The following MIR2052HG variants were observed in gnomAD, a reference collection of about 807,000 sequenced individuals.
The protein encoded by MIR2052HG is MIR2052 host gene.
chr8:74,654,699 C>T (rs1473636203), intron 2 of MIR2052HG, among the ~76,000 whole-genome samples: 1 of 152,066 alleles, frequency 6.6e-6, no homozygotes, highest in Non-Finnish European at 1.5e-5. Context: ...TCTTCCCAGT[C>T]TTGAGTATGT....
chr8:74,738,801 A>G (rs917157656), intron 4 of MIR2052HG, among the ~76,000 whole-genome samples: 14 of 152,338 alleles, frequency 9.2e-5, no homozygotes, highest in African/African-American at 3.1e-4. Context: ...CAGTGGGCAT[A>G]TAATCATTAA....
At chr8:74,659,290 T>A (rs1422549151) in intron 2 of MIR2052HG, among the ~76,000 whole-genome samples, 1 of 152,146 alleles carries the variant, frequency 6.6e-6, no homozygotes, top group Non-Finnish European at 1.5e-5. Context: ...CAGAAACAGA[T>A]GGAATACATA....
intron 2 of MIR2052HG, among the ~76,000 whole-genome samples, chr8:74,626,488 T>G: frequency 6.6e-6 from 1 of 152,186 alleles, no homozygotes; most frequent in East Asian, 1.9e-4. Context: ...GCCTGCAAAG[T>G]TATGCCAGTT....
chr8:74,631,683 C>T (rs1808513860), intron 2 of MIR2052HG, among the ~76,000 whole-genome samples: 1 of 152,100 alleles, frequency 6.6e-6, no homozygotes, highest in African/African-American at 2.4e-5. Flanking sequence ...ACAAAAATGC[C>T]TTAGACTGGG....
intron 2 of MIR2052HG, among the ~76,000 whole-genome samples, chr8:74,690,617 C>T (rs1236923631): frequency 6.6e-6 from 1 of 151,826 alleles, no homozygotes; most frequent in Non-Finnish European, 1.5e-5. Context: ...CACCACTGCA[C>T]TCCAGCCTGG....
In MIR2052HG at chr8:74,704,442, G is replaced by T. The variant is rs536766049; in HGVS notation, n.371+760G>T. 7.9e-5 allele frequency among the ~76,000 whole-genome samples: 12 copies of T among 152,114 alleles called. No individual in the cohort carries two copies. In the South Asian group the frequency reaches 1.7e-3, roughly 21 times the overall value. On this transcript the variant is annotated intron_variant and non_coding_transcript_variant, in intron 4 of 6. Coordinates refer to ENST00000523442, the Ensembl canonical transcript of MIR2052HG. ...AGAATAAAACTATGATCTCCTGGGA[G>T]GTGTCAGGAGGGTAGTAGTCATCTG... is the stretch of plus-strand genomic sequence containing the variant.
chr8:74,606,988 T>G (rs1281238618), intron 1 of MIR2052HG, among the ~76,000 whole-genome samples: 2 of 151,970 alleles, frequency 1.3e-5, no homozygotes, highest in Admixed American at 1.3e-4. Context: ...ATAGCCGTAT[T>G]AAATGTAAAT....
intron 4 of MIR2052HG, among the ~76,000 whole-genome samples, chr8:74,707,772 A>C (rs988449490): frequency 2.0e-5 from 3 of 152,122 alleles, no homozygotes; most frequent in Non-Finnish European, 4.4e-5. Flanking sequence ...ATACCAGAGA[A>C]AGAATGGACA....
chr8:74,632,319 T>C (rs1808522083), intron 2 of MIR2052HG: 2 of 152,142 alleles, frequency 1.3e-5, no homozygotes, highest in African/African-American at 4.8e-5. Context: ...GGTCTCAGGG[T>C]GCCACCAGCA....
intron 1 of MIR2052HG, among the ~76,000 whole-genome samples, chr8:74,605,945 C>T (rs553083867): frequency 2.6e-5 from 4 of 152,186 alleles, no homozygotes; most frequent in South Asian, 4.1e-4. Context: ...TTGATTTAGC[C>T]GGCGGCCAAG....
In MIR2052HG at chr8:74,645,393, C is replaced by A. The variant is rs1027760035; in HGVS notation, n.216+32453C>A. Among the ~76,000 whole-genome samples the A allele has an allele frequency of 3.9e-5, 6 of 151,982 alleles. No homozygotes were observed. In the East Asian group the frequency reaches 1.2e-3, roughly 29 times the overall value. On this transcript the variant is annotated intron_variant and non_coding_transcript_variant, in intron 2 of 6. Transcript: ENST00000523442. ...CTCCGCCTCCCAGGTTCAAGCAATT[C>A]TCCTGCCTCAGCCTCATGAGTAGCT... is the stretch of plus-strand genomic sequence containing the variant.
At chr8:74,680,900 C>A (rs1809116790) in intron 2 of MIR2052HG, among the ~76,000 whole-genome samples, 1 of 151,470 alleles carries the variant, frequency 6.6e-6, no homozygotes. Flanking sequence ...ATGATGAGTT[C>A]ATGTCCTTTG....
chr8:74,677,442 C>A (rs969943065), intron 2 of MIR2052HG, among the ~76,000 whole-genome samples: 2 of 151,988 alleles, frequency 1.3e-5, no homozygotes, highest in African/African-American at 4.8e-5. Context: ...ATCCATAAAG[C>A]AACTCTCAAA....
intron 4 of MIR2052HG, among the ~76,000 whole-genome samples, chr8:74,714,678 G>T (rs1174512489): frequency 6.7e-6 from 1 of 149,742 alleles, no homozygotes; most frequent in Non-Finnish European, 1.5e-5. Context: ...AGCCTTCTTT[G>T]GGAGACCTCC....
intron 1 of MIR2052HG, chr8:74,603,809 T>A: frequency 1.2e-6 from 1 of 837,578 alleles, no homozygotes; most frequent in South Asian, 1.3e-5. Flanking sequence ...GCAATAGTGA[T>A]GGCCTGCTCA....
chr8:74,735,361 G>T (rs1373388914), intron 4 of MIR2052HG, among the ~76,000 whole-genome samples: 1 of 152,106 alleles, frequency 6.6e-6, no homozygotes, highest in African/African-American at 2.4e-5. Context: ...CAGGTTTTAT[G>T]GTCTAATAGG....
chr8:74,600,421 T>A (rs1477196125), intron 1 of MIR2052HG, among the ~76,000 whole-genome samples: 1 of 151,252 alleles, frequency 6.6e-6, no homozygotes, highest in Non-Finnish European at 1.5e-5. Flanking sequence ...CCGTTTCCAC[T>A]AAAAATACAA....
chr8:74,665,602 C>T (rs1808914113), intron 2 of MIR2052HG, among the ~76,000 whole-genome samples: 2 of 152,164 alleles, frequency 1.3e-5, no homozygotes, highest in African/African-American at 4.8e-5. Flanking sequence ...TCATCATTTC[C>T]TCCACATCTC....
At chr8:74,698,114 A>G (rs1002565979) in intron 2 of MIR2052HG, among the ~76,000 whole-genome samples, 3 of 152,204 alleles carry the variant, frequency 2.0e-5, no homozygotes, top group Admixed American at 6.5e-5. Flanking sequence ...CCATACTGTA[A>G]GGCCATAGTC....
Sources: allele counts gnomAD v4.1 joint callset (sites outside exome capture counted in the v4.1 genomes callset), GRCh38; gene constraint gnomAD v4.1.1; transcripts MANE v1.5; gene names NCBI Gene and HGNC (gene_info 2026-07-23, HGNC 2026-07-21).